Variants in KDM5A observed in about 807,000 individuals in gnomAD.
The protein encoded by KDM5A is lysine demethylase 5A, also known as lysine-specific demethylase 5A.
A neutral mutation model predicts 193.5 loss-of-function variants in KDM5A; 42 were observed. The ratio of observed to expected loss-of-function variants is 0.22; its 90% confidence interval spans 0.17 to 0.28. KDM5A has a LOEUF of 0.28. Ranked by LOEUF, KDM5A falls within the 10% of genes least tolerant of loss-of-function variation. The probability of loss-of-function intolerance (pLI) is 1.00; values close to 1 mark genes in which losing one functional copy is unlikely to be tolerated. For synonymous variants in KDM5A, 796 were observed against 718.1 expected (o/e 1.11, Z -1.73); for missense variants, 1,692 against 2,055.1 (o/e 0.82, Z 3.42).
At chr12:356,571 C>T in intron 5 of KDM5A, 34 bp from the exon 6 acceptor site, 1 of 1,237,504 alleles carries the variant, frequency 8.1e-7, no homozygotes, top group Non-Finnish European at 1.2e-6. Context: ...TTAGCATAAT[C>T]ATGCTGATTC....
chr12:290,892 T>C (rs1943284586), intron 27 of KDM5A, among the ~76,000 whole-genome samples: 1 of 152,130 alleles, frequency 6.6e-6, no homozygotes, highest in African/African-American at 2.4e-5. Flanking sequence ...ATAGAAAGAA[T>C]GTCAGGAAAG....
intron 27 of KDM5A, among the ~76,000 whole-genome samples, chr12:289,519 C>G (rs1039437595): frequency 1.3e-5 from 2 of 151,760 alleles, no homozygotes; most frequent in Non-Finnish European, 2.9e-5. Context: ...TTTAACTAGC[C>G]TCATTTAATC....
intron 8 of KDM5A, among the ~76,000 whole-genome samples, chr12:353,081 G>A (rs1019647499): frequency 2.6e-5 from 4 of 152,068 alleles, no homozygotes; most frequent in Admixed American, 2.0e-4. Context: ...ACAGTGGCTC[G>A]TGTCTGTAAT....
At chr12:304,107 C>T (rs960875978) in intron 24 of KDM5A, among the ~76,000 whole-genome samples, 4 of 152,170 alleles carry the variant, frequency 2.6e-5, no homozygotes, top group Non-Finnish European at 4.4e-5. Flanking sequence ...TTAGTTTCCA[C>T]AAGCTCACCT....
At position 311,047 on chromosome 12, in the gene KDM5A, A is replaced by T. The variant is rs769052358; in HGVS notation, c.3054T>A (p.Ala1018=). Residue 1018 remains alanine, a synonymous_variant, in exon 21 of 28, where the codon GCT becomes GCA. Transcript: ENST00000399788. ...VEAIQSGSNY[A]YLEQLESLSA... is the part of the protein sequence containing the mutation. Reference sequence around the variant, plus strand: ...ACAAGCTCTCAAGCTGCTCCAAATAAGCGTAATTGCTGCCACTCTGAAAAA... The same window carrying T: ...ACAAGCTCTCAAGCTGCTCCAAATATGCGTAATTGCTGCCACTCTGAAAAA... 1.2e-6 allele frequency: 2 copies of T among 1,614,060 alleles called. No individual in the cohort carries two copies. Among genetic ancestry groups the T allele is most frequent in the Admixed American group, 3.3e-5 (2 of 60,022 alleles).
chr12:350,683 T>C lies in KDM5A; in HGVS notation c.1246A>G (p.Lys416Glu), dbSNP rs779898553. 30 of 1,614,090 alleles carry C rather than the reference T, an allele frequency of 1.9e-5. No homozygotes were observed. The highest frequency in any genetic ancestry group is 1.8e-4 in the Admixed American group (11 of 59,998). The stretch of plus-strand genomic sequence containing the variant: ...ACCGGAAATCCACTTCCAAAGTCTT[T>C]TGAGGAGATATCTGCTCCATATTCC... ...IVEYGADISS[K>E]DFGSGFPVKD... Residue 416 changes from lysine (K) to glutamate (E), a missense_variant, in exon 10 of 28, where the codon AAA becomes GAA. Around this residue, in one of 11 missense-constraint regions of KDM5A, gnomAD observed 172 missense variants for 260.3 expected, o/e 0.66. Transcript: ENST00000399788.
At position 283,276 on chromosome 12, in the gene KDM5A, C is replaced by G. The variant is rs1943177307; in HGVS notation, c.*2180G>C. 4.3e-6 allele frequency: 1 copy of G among 231,808 alleles called. No individual in the cohort carries two copies. Among genetic ancestry groups the G allele is most frequent in the Non-Finnish European group, 8.5e-6 (1 of 116,968 alleles). The allele number at this position is 231,808 out of a possible 1,614,324, so 14.4% of individuals were successfully genotyped here. On this transcript the variant is annotated 3_prime_UTR_variant, in exon 28 of 28. Coordinates refer to ENST00000399788, the MANE Select transcript of KDM5A (RefSeq NM_001042603.3). ...ATTGTGCTTTCTTGTATAACATCAA[C>G]CAGAGGAAATTCTTAATTGATAATC...
chr12:334,327 C>T lies in KDM5A; in HGVS notation c.1404G>A (p.Val468=). The T allele has an allele frequency of 1.2e-6, 2 of 1,614,080 alleles. No individual in the cohort carries two copies. The highest frequency in any genetic ancestry group is 1.7e-6 in the Non-Finnish European group (2 of 1,179,946). ...HINVDISGMK[V]PWLYVGMCFS... ...AGCACATTCCCACATAGAGCCACGG[C>T]ACTTTCATACCAGAGATGTCCACAT... Residue 468 remains valine (V), a synonymous_variant, in exon 11 of 28, where the codon GTG becomes GTA. Transcript: ENST00000399788.
rs944176925 is a variant in KDM5A at position 389,245 on chromosome 12, T to A, written c.-154A>T. 1.3e-6 allele frequency: 1 copy of A among 779,276 alleles called. No homozygotes were observed. Among genetic ancestry groups the A allele is most frequent in the South Asian group, 1.4e-5 (1 of 70,460 alleles). The allele number at this position is 779,276 out of a possible 1,614,324, so 48.3% of individuals were successfully genotyped here. A position where few individuals can be genotyped will look rare whatever the true frequency, so the allele number is the denominator to read the frequency against. Reference sequence around the variant, plus strand: ...ACACAGAAACCCCAGAATCGCTTCCTCCTCCCGTTTGTTATTGTTTCTTGC... The same window carrying A: ...ACACAGAAACCCCAGAATCGCTTCCACCTCCCGTTTGTTATTGTTTCTTGC... On this transcript the variant is annotated 5_prime_UTR_variant, in exon 1 of 28. Transcript: ENST00000399788.
intron 10 of KDM5A, among the ~76,000 whole-genome samples, chr12:348,976 C>G (rs1429456743): frequency 6.9e-6 from 1 of 145,936 alleles, no homozygotes; most frequent in African/African-American, 2.5e-5. Context: ...AACACGCATT[C>G]AGTGAGGTGA....
At chr12:296,741 C>A (rs966332094) in intron 25 of KDM5A, among the ~76,000 whole-genome samples, 3 of 152,180 alleles carry the variant, frequency 2.0e-5, no homozygotes, top group African/African-American at 7.2e-5. Context: ...ATAATGACCA[C>A]ATAGAGGGTG....
chr12:294,365 AT>A (rs1347222530), intron 26 of KDM5A, among the ~76,000 whole-genome samples: 1 of 152,224 alleles, frequency 6.6e-6, no homozygotes, highest in East Asian at 1.9e-4. Flanking sequence ...TTGAGAACTC[AT>A]TTTTCTACAG....
chr12:325,761 C>T (rs1943775024), intron 14 of KDM5A, among the ~76,000 whole-genome samples: 1 of 152,140 alleles, frequency 6.6e-6, no homozygotes, highest in South Asian at 2.1e-4. Context: ...CGCCTGTAAT[C>T]CCAGCACTTT....
chr12:305,183 A>G (rs1474415628), intron 24 of KDM5A, among the ~76,000 whole-genome samples: 1 of 152,178 alleles, frequency 6.6e-6, no homozygotes, highest in African/African-American at 2.4e-5. Flanking sequence ...ATGGCCCTCA[A>G]TCAGCCCTTG....
Position 307,708 on chromosome 12 carries a change from T to C in KDM5A, c.3676A>G (p.Ile1226Val), listed in dbSNP as rs779682808. 6.1e-5 allele frequency: 98 copies of C among 1,614,176 alleles called. No individual in the cohort carries two copies. The highest frequency in any genetic ancestry group is 1.6e-4 in the South Asian group (15 of 91,086). Reference sequence around the variant, plus strand: ...TGAAGGGATACCAGGAGTGACAGAATAGTCTCTAGCCTGGGCCTTCGAGAC... The same window carrying C: ...TGAAGGGATACCAGGAGTGACAGAACAGTCTCTAGCCTGGGCCTTCGAGAC... ...MRSRRPRLET[I>V]LSLLVSLQKL... is the part of the protein sequence containing the mutation. Residue 1226 changes from isoleucine to valine, a missense_variant, in exon 23 of 28, where the codon ATT becomes GTT. Physicochemically the swap from Ile to Val is conservative, Grantham distance 29 (BLOSUM62 3). Transcript: ENST00000399788. This position sits in a 1 kb window ranked among gnomAD's most constrained non-coding sequence, Gnocchi z 4.3.
Position 307,290 on chromosome 12 carries a change from G to A in KDM5A, c.3930+164C>T, listed in dbSNP as rs537464443. Among the ~76,000 whole-genome samples the A allele has an allele frequency of 6.6e-5, 10 of 152,176 alleles. No individual in the cohort carries two copies. The highest frequency in any genetic ancestry group is 1.4e-4 in the African/African-American group (6 of 41,548). On this transcript the variant is annotated intron_variant, in intron 23 of 27. Coordinates refer to ENST00000399788, the MANE Select transcript of KDM5A (RefSeq NM_001042603.3). The surrounding 1 kb of genome is among the most constrained non-coding windows in gnomAD (Gnocchi z 4.3). ...TTACCAAGAATATTTCACTAAGTAC[G>A]TATCCAAAAAAAGTGCTATAGTGTA...
intron 18 of KDM5A, among the ~76,000 whole-genome samples, chr12:319,932 G>A (rs1943695143): frequency 2.0e-5 from 3 of 152,040 alleles, no homozygotes; most frequent in Non-Finnish European, 2.9e-5. Context: ...GGCAAATAAG[G>A]TATCAGAAGT....
In KDM5A at chr12:284,271, T is replaced by A. The variant is rs905981394; in HGVS notation, c.*1185A>T. 4.4e-6 allele frequency: 1 copy of A among 228,088 alleles called. No homozygotes were observed. The highest frequency in any genetic ancestry group is 8.7e-6 in the Non-Finnish European group (1 of 115,124). 14.1% of individuals were successfully genotyped at this position (228,088 alleles called of 1,614,324 possible). On this transcript the variant is annotated 3_prime_UTR_variant, in exon 28 of 28. Coordinates refer to ENST00000399788, the MANE Select transcript of KDM5A (RefSeq NM_001042603.3). The stretch of plus-strand genomic sequence containing the variant: ...ATATTAAAAAAGGAAAAATAATCTA[T>A]GTATAGAACAGTCAGTAGTCAGAGA...
chr12:320,500 A>T (rs1418905253), intron 18 of KDM5A, among the ~76,000 whole-genome samples: 1 of 152,142 alleles, frequency 6.6e-6, no homozygotes, highest in Non-Finnish European at 1.5e-5. Flanking sequence ...CCATCTCAAA[A>T]ACAAAAACAA....
Sources: allele counts gnomAD v4.1 joint callset (sites outside exome capture counted in the v4.1 genomes callset), GRCh38; gene constraint gnomAD v4.1.1; regional missense constraint gnomAD v4.1.1; non-coding constraint Gnocchi (gnomAD v3.1); transcripts MANE v1.5; gene names NCBI Gene and HGNC (gene_info 2026-07-23, HGNC 2026-07-21).